TNKS2: variants seen among roughly 807,000 people sequenced by gnomAD.
TNKS2 encodes the protein poly [ADP-ribose] polymerase tankyrase-2.
Under a neutral mutation model 137.6 loss-of-function variants are expected in TNKS2, and 72 were observed. The observed-to-expected ratio is 0.52, with a 90% CI of 0.43 to 0.64. The LOEUF (loss-of-function observed/expected upper bound fraction) is 0.64. Ranked by LOEUF, TNKS2 falls within the 30% of genes least tolerant of loss-of-function variation. The probability of loss-of-function intolerance (pLI) is 0.00; values close to 1 mark genes in which losing one functional copy is unlikely to be tolerated. For synonymous variants in TNKS2, 516 were observed against 512.1 expected, an observed-to-expected ratio of 1.01 and a Z score of -0.10; for missense variants, 1,049 against 1,410.2, an observed-to-expected ratio of 0.74 and a Z score of 4.10.
Position 91,864,304 on chromosome 10 carries a change from T to C in TNKS2, c.*1305T>C, listed in dbSNP as rs1440387859. The C allele has an allele frequency of 6.6e-6, 1 of 152,618 alleles. No individual in the cohort carries two copies. Among genetic ancestry groups the C allele is most frequent in the East Asian group, 1.9e-4 (1 of 5,202 alleles). 9.5% of individuals were successfully genotyped at this position (152,618 alleles called of 1,614,324 possible). Reference sequence around the variant, plus strand: ...AGCTATAGAAGGAAATGCTGTCCCATAAAATGCCATTCCTATTTTCTAATA... The same window carrying C: ...AGCTATAGAAGGAAATGCTGTCCCACAAAATGCCATTCCTATTTTCTAATA... On this transcript the variant is annotated 3_prime_UTR_variant, in exon 27 of 27. Transcript: ENST00000371627.
intron 1 of TNKS2, among the ~76,000 whole-genome samples, chr10:91,801,320 G>GT (rs1199562629): frequency 4.6e-5 from 7 of 152,144 alleles, no homozygotes; most frequent in East Asian, 1.9e-4. Context: ...TCTACTAGGT[G>GT]TTTTTTTATT....
intron 18 of TNKS2, among the ~76,000 whole-genome samples, chr10:91,846,323 C>T (rs1842369951): frequency 6.6e-6 from 1 of 152,176 alleles, no homozygotes; most frequent in East Asian, 1.9e-4. Flanking sequence ...GGAACATTGC[C>T]CCCCAAGGTG....
chr10:91,840,829 T>C, intron 14 of TNKS2, 123 bp downstream of exon 14: 1 of 916,890 alleles, frequency 1.1e-6, no homozygotes, highest in Non-Finnish European at 1.6e-6. Context: ...GGCCTAAATA[T>C]TAAATAGAGC....
chr10:91,799,415 C>T lies in TNKS2; in HGVS notation c.199+526C>T, dbSNP rs993674205. The stretch of plus-strand genomic sequence containing the variant: ...GTTTATCAGAATAGCCAATCATTAC[C>T]AAGTTTCTGGAGTGACTAGAACGGG... On this transcript the variant is annotated intron_variant, in intron 1 of 26. Coordinates refer to ENST00000371627, the MANE Select transcript of TNKS2 (RefSeq NM_025235.4). Among the ~76,000 whole-genome samples the T allele has an allele frequency of 5.9e-5, 9 of 152,120 alleles. No homozygotes were observed. In the East Asian group the frequency reaches 1.7e-3, roughly 29 times the overall value.
At chr10:91,825,116 C>T (rs77175172) in intron 7 of TNKS2, among the ~76,000 whole-genome samples, 16,497 of 151,206 alleles carry the variant, frequency 0.11, 989 homozygotes, top group East Asian at 0.2. Flanking sequence ...TTGTTTTGGT[C>T]GAGGGGAGAG....
intron 20 of TNKS2, among the ~76,000 whole-genome samples, chr10:91,850,701 G>A (rs578088306): frequency 9.9e-5 from 15 of 152,242 alleles, no homozygotes; most frequent in African/African-American, 2.9e-4. Context: ...CCTTGGCAAC[G>A]AGAGTGAAAC....
chr10:91,855,380 G>A (rs2133679148), intron 22 of TNKS2, among the ~76,000 whole-genome samples: 1 of 152,058 alleles, frequency 6.6e-6, no homozygotes, highest in South Asian at 2.1e-4. Flanking sequence ...TAGAGATGGG[G>A]TTTCGCCATG....
Position 91,827,094 on chromosome 10 carries a change from A to C in TNKS2, c.873A>C (p.Glu291Asp). Reference sequence around the variant, plus strand: ...AGGCAGCTTCTAAGAACAGGGTTGAAGTATGTTCTCTTCTCTTAAGTTATG... The same window carrying C: ...AGGCAGCTTCTAAGAACAGGGTTGACGTATGTTCTCTTCTCTTAAGTTATG... The part of the protein sequence containing the change: ...LHEAASKNRV[E>D]VCSLLLSYGA... Residue 291 changes from glutamate (E) to aspartate (D), a missense_variant, in exon 8 of 27, where the codon GAA becomes GAC. Physicochemically the swap from Glu to Asp is conservative, Grantham distance 45 (BLOSUM62 2). This residue lies in a region of TNKS2 where 374 missense variants were observed against 460.8 expected (regional missense o/e 0.81). Coordinates refer to ENST00000371627, the MANE Select transcript of TNKS2 (RefSeq NM_025235.4). The C allele has an allele frequency of 6.2e-7, 1 of 1,612,040 alleles. No homozygotes were observed. Among genetic ancestry groups the C allele is most frequent in the Non-Finnish European group, 8.5e-7 (1 of 1,179,046 alleles).
chr10:91,856,814 C>T (rs1238628402), intron 23 of TNKS2, among the ~76,000 whole-genome samples: 1 of 152,146 alleles, frequency 6.6e-6, no homozygotes, highest in East Asian at 1.9e-4. Flanking sequence ...TCCAGGTGTG[C>T]TCTAGGAACC....
intron 12 of TNKS2, among the ~76,000 whole-genome samples, chr10:91,836,129 A>G (rs1180125680): frequency 3.3e-5 from 5 of 149,364 alleles, no homozygotes; most frequent in Admixed American, 2.0e-4. Context: ...TGTAGCCTCA[A>G]ATATATTCTC....
intron 21 of TNKS2, 76 bp downstream of exon 21, chr10:91,851,412 T>C: frequency 7.8e-7 from 1 of 1,275,608 alleles, no homozygotes; most frequent in Non-Finnish European, 1.0e-6. Context: ...TAAGTTATAA[T>C]TTAAAAATAT....
intron 1 of TNKS2, among the ~76,000 whole-genome samples, chr10:91,799,498 G>GAC (rs1284205378): frequency 6.6e-6 from 1 of 152,142 alleles, no homozygotes; most frequent in Non-Finnish European, 1.5e-5. Context: ...GGAAGCCTTA[G>GAC]ACACACACAC....
At chr10:91,836,632 G>C in intron 12 of TNKS2, 1 of 985,258 alleles carries the variant, frequency 1.0e-6, no homozygotes, top group Non-Finnish European at 1.2e-6. Context: ...TATAGAGCAG[G>C]CCATCTTTAG....
chr10:91,814,168 T>C lies in TNKS2; in HGVS notation c.424+961T>C, dbSNP rs542091523. On this transcript the variant is annotated intron_variant, in intron 2 of 26. Coordinates refer to ENST00000371627, the MANE Select transcript of TNKS2 (RefSeq NM_025235.4). ...AAAGACCTTCCAGTGGGAGAAGATA[T>C]GGAGGTGGAAGACAGTGATATTGAT... is the stretch of plus-strand genomic sequence containing the variant. 5.3e-5 allele frequency among the ~76,000 whole-genome samples: 8 copies of C among 152,222 alleles called. No homozygotes were observed. In the East Asian group the frequency reaches 1.5e-3, roughly 29 times the overall value.
intron 12 of TNKS2, 23 bp from the exon 13 acceptor site, chr10:91,836,896 T>C (rs1307732912): frequency 8.8e-6 from 14 of 1,583,302 alleles, no homozygotes; most frequent in East Asian, 2.3e-5. Context: ...TTAGTCACTC[T>C]TCTCTCTCTC....
At chr10:91,802,126 C>T (rs572808647) in intron 1 of TNKS2, among the ~76,000 whole-genome samples, 1 of 152,224 alleles carries the variant, frequency 6.6e-6, no homozygotes, top group African/African-American at 2.4e-5. Context: ...TGTTATGTTA[C>T]TGTTAGTATG....
chr10:91,809,281 G>A (rs1013761858), intron 1 of TNKS2, among the ~76,000 whole-genome samples: 1 of 152,178 alleles, frequency 6.6e-6, no homozygotes, highest in South Asian at 2.1e-4. Flanking sequence ...AGGGGTGGGA[G>A]GAAGGCTTCA....
intron 12 of TNKS2, 113 bp downstream of exon 12, chr10:91,834,137 ATTTC>A (rs1841918719): frequency 1.3e-6 from 1 of 799,956 alleles, no homozygotes; most frequent in South Asian, 3.2e-5. Flanking sequence ...ATTTTTGTTT[ATTTC>A]TTCTTAGGTT....
In TNKS2 at chr10:91,863,282, A is replaced by T. The variant is rs990216955; in HGVS notation, c.*283A>T. The stretch of plus-strand genomic sequence containing the variant: ...AACAGAGTTAACTTGAACCTTTTAT[A>T]TGTTATGCATTGATTCTAACAAACT... On this transcript the variant is annotated 3_prime_UTR_variant, in exon 27 of 27. Coordinates refer to ENST00000371627, the MANE Select transcript of TNKS2 (RefSeq NM_025235.4). 4 of 275,196 alleles carry T rather than the reference A, an allele frequency of 1.5e-5. No individual in the cohort carries two copies. The highest frequency in any genetic ancestry group is 8.8e-5 in the African/African-American group (4 of 45,390). The allele number at this position is 275,196 out of a possible 1,614,324, so 17.0% of individuals were successfully genotyped here.
Sources: allele counts gnomAD v4.1 joint callset (sites outside exome capture counted in the v4.1 genomes callset), GRCh38; gene constraint gnomAD v4.1.1; regional missense constraint gnomAD v4.1.1; transcripts MANE v1.5; gene names NCBI Gene and HGNC (gene_info 2026-07-23, HGNC 2026-07-21).